Variants in TRAFD1 observed in about 807,000 individuals in gnomAD.
TRAFD1 encodes TRAF-type zinc finger domain containing 1.
A neutral mutation model predicts 65.3 loss-of-function variants in TRAFD1; 38 were observed. The observed-to-expected ratio is 0.58, with a 90% confidence interval of 0.45 to 0.76. The LOEUF (loss-of-function observed/expected upper bound fraction) is 0.76, where lower values mean the gene tolerates loss of function less well. TRAFD1 is among the 30% of genes least tolerant of loss of function. TRAFD1 has a pLI of 0.00. For synonymous variants in TRAFD1, 223 were observed against 257.2 expected (o/e 0.87, Z 1.27); for missense variants, 631 against 712.6 (o/e 0.89, Z 1.30).
At chr12:112,132,279 T>C (rs1566047200) in intron 2 of TRAFD1, among the ~76,000 whole-genome samples, 1 of 152,202 alleles carries the variant, frequency 6.6e-6, no homozygotes, top group Non-Finnish European at 1.5e-5. Context: ...ATGACTTTCA[T>C]TTTTTACCAT....
At chr12:112,142,056 T>A in intron 5 of TRAFD1, 33 bp from the exon 6 acceptor site, 1 of 1,605,474 alleles carries the variant, frequency 6.2e-7, no homozygotes, top group East Asian at 2.2e-5. Flanking sequence ...ATTTCTAATG[T>A]ATCCTGAATG....
chr12:112,141,096 T>C lies in TRAFD1; in HGVS notation c.515T>C (p.Ile172Thr). 6.2e-7 allele frequency: 1 copy of C among 1,614,104 alleles called. No homozygotes were observed. The highest frequency in any genetic ancestry group is 8.5e-7 in the Non-Finnish European group (1 of 1,179,992). The change falls in exon 5 of 12, where the codon ATT becomes ACT. Residue 172 changes from isoleucine (I) to threonine (T), a missense_variant. Coordinates refer to ENST00000412615, the MANE Select transcript of TRAFD1 (RefSeq NM_006700.3). ...ATTGCATCCCAACTCCTCAGACAAA[T>C]TGAGGCTCTGGACCCACCCATGAGG... ...IWIASQLLRQ[I>T]EALDPPMRLP...
chr12:112,128,385 C>A (rs1015960941), intron 1 of TRAFD1, among the ~76,000 whole-genome samples: 1 of 152,160 alleles, frequency 6.6e-6, no homozygotes, highest in Non-Finnish European at 1.5e-5. Context: ...CTTGATAATG[C>A]CAAAACCTTT....
In TRAFD1 at chr12:112,137,459, T is replaced by C. The variant is rs1477563564; in HGVS notation, c.237+2393T>C. ...TTTCCCATTCAGTAGGGAGCATCCCTCAGCCTTGATCTTCATTTCTTGGCT... is the reference window on the plus strand; with the variant it reads ...TTTCCCATTCAGTAGGGAGCATCCCCCAGCCTTGATCTTCATTTCTTGGCT... On this transcript the variant is annotated intron_variant, in intron 4 of 11. Coordinates refer to ENST00000412615, the MANE Select transcript of TRAFD1 (RefSeq NM_006700.3). The surrounding 1 kb of genome is among the most constrained non-coding windows in gnomAD (Gnocchi z 4.2). Among the ~76,000 whole-genome samples, 3 of 152,128 alleles carry C rather than the reference T, an allele frequency of 2.0e-5. No homozygotes were observed. The highest frequency in any genetic ancestry group is 7.2e-5 in the African/African-American group (3 of 41,436).
chr12:112,133,110 A>G (rs1236024994), intron 2 of TRAFD1: 1 of 152,196 alleles, frequency 6.6e-6, no homozygotes, highest in East Asian at 1.9e-4. Flanking sequence ...TTCATGTAAC[A>G]TTATCACTTT....
chr12:112,152,597 G>A lies in TRAFD1; in HGVS notation c.1692+98G>A. The A allele has an allele frequency of 6.3e-7, 1 of 1,595,272 alleles. No homozygotes were observed. The highest frequency in any genetic ancestry group is 8.6e-7 in the Non-Finnish European group (1 of 1,166,530). On this transcript the variant is annotated intron_variant, in intron 11 of 11. Coordinates refer to ENST00000412615, the MANE Select transcript of TRAFD1 (RefSeq NM_006700.3). The surrounding 1 kb of genome is among the most constrained non-coding windows in gnomAD (Gnocchi z 5.0). ...TGTAGAAGTTGTTGGGACCAGGCTGGTTGTGGTTCAAAGATTGTTCCTTTG... is the reference window on the plus strand; with the variant it reads ...TGTAGAAGTTGTTGGGACCAGGCTGATTGTGGTTCAAAGATTGTTCCTTTG...
chr12:112,136,199 C>G (rs2029903482), intron 4 of TRAFD1, among the ~76,000 whole-genome samples: 1 of 150,712 alleles, frequency 6.6e-6, no homozygotes, highest in African/African-American at 2.4e-5. Flanking sequence ...TGGTCTTGAA[C>G]TCCTGGGCTC....
intron 8 of TRAFD1, chr12:112,149,508 G>T: frequency 5.2e-6 from 2 of 383,764 alleles, no homozygotes; most frequent in Non-Finnish European, 9.4e-6. Flanking sequence ...TGTTTTTCTG[G>T]GCTCCAAGAT....
chr12:112,129,193 ATTTTT>A (rs56949881), intron 1 of TRAFD1, among the ~76,000 whole-genome samples: 57 of 81,366 alleles, frequency 7.0e-4, no homozygotes, highest in African/African-American at 3.3e-3. Context: ...TGGGATGGTG[ATTTTT>A]TTTTTTTTTT....
chr12:112,131,205 C>T (rs1566047068), intron 2 of TRAFD1, among the ~76,000 whole-genome samples: 1 of 152,110 alleles, frequency 6.6e-6, no homozygotes, highest in African/African-American at 2.4e-5. Context: ...ATTTCATAAA[C>T]TATTTTAGTT....
At chr12:112,144,651 C>A (rs551861923) in intron 6 of TRAFD1, among the ~76,000 whole-genome samples, 7 of 152,084 alleles carry the variant, frequency 4.6e-5, no homozygotes, top group African/African-American at 1.7e-4. Flanking sequence ...GAGGCTGAGA[C>A]GGGAGGTTCA....
intron 7 of TRAFD1, among the ~76,000 whole-genome samples, chr12:112,147,063 G>C (rs1392042629): frequency 7.3e-6 from 1 of 136,808 alleles, no homozygotes; most frequent in Non-Finnish European, 1.5e-5. Context: ...GCAGTGACGC[G>C]ATCGGGGCTC....
intron 5 of TRAFD1, chr12:112,141,854 G>A (rs2030097180): frequency 8.2e-6 from 4 of 487,760 alleles, no homozygotes; most frequent in Non-Finnish European, 1.5e-5. Flanking sequence ...TCATAATTAT[G>A]GCTCAGTAAT....
Position 112,149,768 on chromosome 12 carries a change from C to T in TRAFD1, c.1176C>T (p.Arg392=), listed in dbSNP as rs1416824025. The change falls in exon 9 of 12, where the codon CGC becomes CGT. Residue 392 remains arginine, a synonymous_variant. Coordinates refer to ENST00000412615, the MANE Select transcript of TRAFD1 (RefSeq NM_006700.3). ...LFHHQDQCDQ[R]PATATNHVTE... The stretch of plus-strand genomic sequence containing the variant: ...TTGTTTAGGACCAGTGTGACCAACG[C>T]CCAGCCACTGCAACCAACCATGTGA... The T allele has an allele frequency of 6.2e-6, 10 of 1,614,008 alleles. No homozygotes were observed. Among genetic ancestry groups the T allele is most frequent in the Middle Eastern group, 1.6e-4 (1 of 6,082 alleles).
chr12:112,152,456 G>A lies in TRAFD1; in HGVS notation c.1649G>A (p.Arg550Gln), dbSNP rs372720878. 52 of 1,613,624 alleles carry A rather than the reference G, an allele frequency of 3.2e-5. No homozygotes were observed. The highest frequency in any genetic ancestry group is 8.0e-5 in the African/African-American group (6 of 74,896). The change falls in exon 11 of 12, where the codon CGG (arginine) becomes CAG (glutamine). Residue 550 changes from arginine (R) to glutamine (Q), a missense_variant. Physicochemically the swap from Arg to Gln is conservative, Grantham distance 43. Transcript: ENST00000412615. The surrounding 1 kb of genome is among the most constrained non-coding windows in gnomAD (Gnocchi z 5.0). ...AGGAGTGAAGGTGGCAGGAATTCCC[G>A]GGTCACCCCTGCAGCTGCCAACTAC... ...SGRSEGGRNS[R>Q]VTPAAANYRS...
Position 112,141,036 on chromosome 12 carries a change from C to CAT in TRAFD1, c.458_459dup (p.Asp154MetfsTer27). On this transcript the variant is annotated frameshift_variant, in exon 5 of 12. Coordinates refer to ENST00000412615, the MANE Select transcript of TRAFD1 (RefSeq NM_006700.3). LOFTEE classifies it high-confidence loss of function. ...AATGAGGTTGCCATACCTCCTAATGCATATGATGAATCTTGGGGTCAGGAT... is the reference window on the plus strand; with the variant it reads ...AATGAGGTTGCCATACCTCCTAATGCATATATGATGAATCTTGGGGTCAGGAT... The CAT allele has an allele frequency of 6.2e-7, 1 of 1,614,196 alleles. No homozygotes were observed. Among genetic ancestry groups the CAT allele is most frequent in the Non-Finnish European group, 8.5e-7 (1 of 1,180,048 alleles).
At chr12:112,138,832 T>C (rs1430851893) in intron 4 of TRAFD1, among the ~76,000 whole-genome samples, 1 of 141,836 alleles carries the variant, frequency 7.1e-6, no homozygotes, top group Non-Finnish European at 1.5e-5. Context: ...TACTCCAGCC[T>C]GGGCAACAGA....
chr12:112,141,623 T>G, intron 5 of TRAFD1: 1 of 207,768 alleles, frequency 4.8e-6, no homozygotes, highest in Non-Finnish European at 9.8e-6. Context: ...AAGTTTCAAA[T>G]TTTGGATTTT....
intron 1 of TRAFD1, among the ~76,000 whole-genome samples, chr12:112,127,878 A>AT (rs1351560039): frequency 6.6e-6 from 1 of 150,814 alleles, no homozygotes; most frequent in Non-Finnish European, 1.5e-5. Flanking sequence ...CCGGCTGCTT[A>AT]TTTTTTATAA....
Sources: allele counts gnomAD v4.1 joint callset (sites outside exome capture counted in the v4.1 genomes callset), GRCh38; gene constraint gnomAD v4.1.1; non-coding constraint Gnocchi (gnomAD v3.1); transcripts MANE v1.5; gene names NCBI Gene and HGNC (gene_info 2026-07-23, HGNC 2026-07-21).